The following CMSS1 variants were observed in gnomAD, a reference collection of about 807,000 sequenced individuals.
CMSS1 encodes protein CMSS1.
In CMSS1, 33 loss-of-function variants were observed where a neutral mutation model predicts 43.5. The ratio of observed to expected loss-of-function variants is 0.76; its 90% CI spans 0.57 to 1.01. The LOEUF (loss-of-function observed/expected upper bound fraction) is 1.01, where lower values mean the gene tolerates loss of function less well. Among genes scored for constraint, CMSS1 ranks in the 50% least tolerant of loss-of-function variants. CMSS1 has a pLI of 0.00. For missense variants in CMSS1, 313 were observed against 326.4 expected (o/e 0.96, Z 0.32); for synonymous variants, 115 against 117.2 (o/e 0.98, Z 0.12).
chr3:100,165,648 T>C (rs2067059978), intron 4 of CMSS1, among the ~76,000 whole-genome samples: 1 of 152,140 alleles, frequency 6.6e-6, no homozygotes, highest in Admixed American at 6.6e-5. Context: ...ACTCATCCAT[T>C]TCCCCAGATA....
At chr3:100,064,791 T>G (rs1428707856) in intron 1 of CMSS1, among the ~76,000 whole-genome samples, 1 of 151,406 alleles carries the variant, frequency 6.6e-6, no homozygotes, top group Non-Finnish European at 1.5e-5. Context: ...AGAGTCAATT[T>G]GACAAACAGC....
intron 1 of CMSS1, among the ~76,000 whole-genome samples, chr3:100,014,895 CTTTTTTTTTTTTT>C (rs1233573719): frequency 4.0e-5 from 1 of 25,008 alleles, no homozygotes; most frequent in South Asian, 2.0e-3. Context: ...TTCTTTCTTT[CTTTTTTTTTTTTT>C]TTTTTTTTTT....
intron 2 of CMSS1, among the ~76,000 whole-genome samples, chr3:100,151,630 T>C (rs1208649649): frequency 6.6e-6 from 1 of 152,166 alleles, no homozygotes; most frequent in Non-Finnish European, 1.5e-5. Flanking sequence ...TTCTGCCATA[T>C]TAAGCGAGTT....
chr3:100,144,276 A>G (rs1279818611), intron 1 of CMSS1, among the ~76,000 whole-genome samples: 1 of 152,154 alleles, frequency 6.6e-6, no homozygotes, highest in Admixed American at 6.5e-5. Context: ...TGCTGAAACT[A>G]TTAGTGTGGA....
intron 1 of CMSS1, among the ~76,000 whole-genome samples, chr3:100,027,287 G>C (rs1284922357): frequency 1.3e-5 from 2 of 152,012 alleles, no homozygotes; most frequent in Admixed American, 1.3e-4. Context: ...TTGTGTATTT[G>C]TTCACTGCTG....
At chr3:99,858,160 T>C (rs1944064615) in intron 1 of CMSS1, among the ~76,000 whole-genome samples, 1 of 152,134 alleles carries the variant, frequency 6.6e-6, no homozygotes. Flanking sequence ...AAATTCAAAC[T>C]AAGATTTTAA....
intron 1 of CMSS1, among the ~76,000 whole-genome samples, chr3:100,037,681 A>G (rs544385881): frequency 1.3e-5 from 2 of 152,288 alleles, no homozygotes; most frequent in African/African-American, 4.8e-5. Flanking sequence ...GCACACCTAC[A>G]TTTGTTTTAG....
intron 1 of CMSS1, among the ~76,000 whole-genome samples, chr3:100,002,131 T>A (rs956918307): frequency 6.6e-6 from 1 of 152,216 alleles, no homozygotes; most frequent in African/African-American, 2.4e-5. Context: ...ACTGACCACC[T>A]CCTGTACAGA....
chr3:99,822,602 C>T (rs561924036), intron 1 of CMSS1, among the ~76,000 whole-genome samples: 3 of 152,084 alleles, frequency 2.0e-5, no homozygotes, highest in South Asian at 2.1e-4. Context: ...CGTGGTGGCA[C>T]GCACCTGTAA....
chr3:100,018,071 G>A (rs1438376343), intron 1 of CMSS1, among the ~76,000 whole-genome samples: 3 of 152,172 alleles, frequency 2.0e-5, no homozygotes, highest in Non-Finnish European at 4.4e-5. Context: ...GCTCACGCCT[G>A]TAATCTCAGC....
intron 1 of CMSS1, among the ~76,000 whole-genome samples, chr3:100,071,268 G>T (rs2065759250): frequency 6.6e-6 from 1 of 152,058 alleles, no homozygotes; most frequent in South Asian, 2.1e-4. Flanking sequence ...AGCTGAATTT[G>T]CTACATAACT....
In CMSS1 at chr3:100,118,979, G is replaced by GT. The variant is rs564984228; in HGVS notation, c.65-27986dup. On this transcript the variant is annotated intron_variant, in intron 1 of 9. Coordinates refer to ENST00000421999, the MANE Select transcript of CMSS1 (RefSeq NM_032359.4). ...CTAATCTTTTGGTGGTCGTGTTGTTGTTTTTTTTGTTTCGTTTTTTGTTGA... is the reference window on the plus strand; with the variant it reads ...CTAATCTTTTGGTGGTCGTGTTGTTGTTTTTTTTTGTTTCGTTTTTTGTTGA... Among the ~76,000 whole-genome samples, 27 of 151,884 alleles carry GT rather than the reference G, an allele frequency of 1.8e-4. No individual in the cohort carries two copies. In the South Asian group the frequency reaches 2.5e-3, roughly 14 times the overall value.
chr3:100,081,881 C>T (rs1559751287), intron 1 of CMSS1, among the ~76,000 whole-genome samples: 3 of 152,200 alleles, frequency 2.0e-5, no homozygotes, highest in Admixed American at 1.3e-4. Context: ...ATGCCAGTAG[C>T]ACCCTCCGAG....
At chr3:100,031,830 T>C (rs1309860780) in intron 1 of CMSS1, among the ~76,000 whole-genome samples, 1 of 152,144 alleles carries the variant, frequency 6.6e-6, no homozygotes, top group East Asian at 1.9e-4. Context: ...ATAGGAAATA[T>C]TTTAGGCCTT....
intron 1 of CMSS1, among the ~76,000 whole-genome samples, chr3:99,983,476 A>ATGTG (rs1709224411): frequency 2.4e-4 from 4 of 16,696 alleles, no homozygotes; most frequent in African/African-American, 8.8e-4. Context: ...ATATATATAT[A>ATGTG]TATATATATA....
At chr3:99,907,760 A>C (rs1207686213) in intron 1 of CMSS1, among the ~76,000 whole-genome samples, 2 of 151,822 alleles carry the variant, frequency 1.3e-5, no homozygotes, top group East Asian at 3.9e-4. Flanking sequence ...TCCTTGTCTG[A>C]ACTATGTCTG....
At chr3:100,095,527 T>C (rs1178205983) in intron 1 of CMSS1, among the ~76,000 whole-genome samples, 1 of 151,928 alleles carries the variant, frequency 6.6e-6, no homozygotes, top group African/African-American at 2.4e-5. Flanking sequence ...GAAAAGACAG[T>C]CTCTCCAATA....
At chr3:100,101,488 A>C (rs2066304404) in intron 1 of CMSS1, among the ~76,000 whole-genome samples, 1 of 152,210 alleles carries the variant, frequency 6.6e-6, no homozygotes, top group Non-Finnish European at 1.5e-5. Flanking sequence ...AGAGACTCTC[A>C]CAACCTTGCT....
chr3:100,086,041 G>T (rs889800627), intron 1 of CMSS1, among the ~76,000 whole-genome samples: 2 of 152,184 alleles, frequency 1.3e-5, no homozygotes, highest in Admixed American at 1.3e-4. Context: ...AATAAAATAT[G>T]ATTCGTGTTA....
Sources: gnomAD v4.1 joint callset for allele counts (sites outside exome capture counted in the v4.1 genomes callset) on GRCh38, gnomAD v4.1.1 for gene constraint, MANE v1.5 for transcripts, NCBI Gene and HGNC (gene_info 2026-07-23, HGNC 2026-07-21) for gene names.